FBLIM1: variants seen among roughly 807,000 people sequenced by gnomAD.
FBLIM1 encodes filamin-binding LIM protein 1.
In FBLIM1, 29 loss-of-function variants were observed where a neutral mutation model predicts 37.4. The ratio of observed to expected loss-of-function variants is 0.77; its 90% CI spans 0.58 to 1.06. FBLIM1 has a LOEUF of 1.06. Among genes scored for constraint, FBLIM1 ranks in the 50% least tolerant of loss-of-function variants. The pLI is 0.00. For missense variants in FBLIM1, 449 were observed against 505.6 expected (o/e 0.89, Z 1.07); for synonymous variants, 193 against 199.0 (o/e 0.97, Z 0.25).
rs989844365 is a variant in FBLIM1, at chr1:15,784,499, G to A, written c.1009-49G>A. 3 of 1,476,780 alleles carry A rather than the reference G, an allele frequency of 2.0e-6. No homozygotes were observed. In the African/African-American group the frequency reaches 4.2e-5, roughly 20 times the overall value. The allele number at this position is 1,476,780 out of a possible 1,614,324, so 91.5% of individuals were successfully genotyped here. A position where few individuals can be genotyped will look rare whatever the true frequency, so the allele number is the denominator to read the frequency against. The stretch of plus-strand genomic sequence containing the variant: ...GCCAAGTGAGTCCCTCCCCTGTGCA[G>A]GCAGCGCCCAGGCCCAGGGCGGGTC... On this transcript the variant is annotated intron_variant, in intron 8 of 8. Transcript: ENST00000375766.
chr1:15,769,426 G>A (rs1289723415), intron 5 of FBLIM1, among the ~76,000 whole-genome samples: 1 of 151,742 alleles, frequency 6.6e-6, no homozygotes, highest in East Asian at 2.0e-4. Context: ...GCAGTGAGCT[G>A]AGATTGCGCC....
chr1:15,781,552 T>G (rs2069639651), intron 8 of FBLIM1, among the ~76,000 whole-genome samples: 1 of 148,890 alleles, frequency 6.7e-6, no homozygotes, highest in Non-Finnish European at 1.5e-5. Context: ...ATGAGGCTCT[T>G]GAACTGCAGC....
At chr1:15,779,800 C>T (rs758067278) in intron 8 of FBLIM1, among the ~76,000 whole-genome samples, 3 of 152,146 alleles carry the variant, frequency 2.0e-5, no homozygotes, top group Admixed American at 6.6e-5. Flanking sequence ...CAGGAGTCAT[C>T]ACATGTGGCT....
At chr1:15,771,186 C>A (rs1179437314) in intron 6 of FBLIM1, among the ~76,000 whole-genome samples, 1 of 151,682 alleles carries the variant, frequency 6.6e-6, no homozygotes, top group Non-Finnish European at 1.5e-5. Context: ...GAGCCACCCA[C>A]CTCGACCTCC....
At chr1:15,784,059 C>T (rs150628940) in intron 8 of FBLIM1, among the ~76,000 whole-genome samples, 2,322 of 152,244 alleles carry the variant, frequency 0.015, 47 homozygotes, top group African/African-American at 0.045. Flanking sequence ...TGGTGGCACA[C>T]GCCTGTAATC....
chr1:15,761,635 C>A (rs1355071135), intron 1 of FBLIM1, among the ~76,000 whole-genome samples: 1 of 152,230 alleles, frequency 6.6e-6, no homozygotes, highest in African/African-American at 2.4e-5. Flanking sequence ...TTCCAGACAT[C>A]ATTTCCAAAC....
At chr1:15,770,869 T>C (rs2069168773) in intron 6 of FBLIM1, among the ~76,000 whole-genome samples, 1 of 152,198 alleles carries the variant, frequency 6.6e-6, no homozygotes, top group African/African-American at 2.4e-5. Context: ...ACCAAGGTGG[T>C]GTGCTGTCTG....
intron 6 of FBLIM1, among the ~76,000 whole-genome samples, chr1:15,774,222 G>T (rs1443284354): frequency 6.6e-6 from 1 of 152,006 alleles, no homozygotes; most frequent in Non-Finnish European, 1.5e-5. Context: ...CTTCCAAGTG[G>T]CCAAATGGAA....
chr1:15,763,094 G>A (rs2068752616), intron 1 of FBLIM1, among the ~76,000 whole-genome samples: 1 of 150,792 alleles, frequency 6.6e-6, no homozygotes, highest in African/African-American at 2.4e-5. Context: ...TTTAGACAGA[G>A]TTTCGCTCTT....
At chr1:15,767,197 A>AT (rs2068965865) in intron 3 of FBLIM1, among the ~76,000 whole-genome samples, 179 bp from the exon 4 acceptor site, 1 of 151,922 alleles carries the variant, frequency 6.6e-6, no homozygotes, top group South Asian at 2.1e-4. Flanking sequence ...CTGGCCTGAG[A>AT]TTAAGTTTCT....
intron 6 of FBLIM1, among the ~76,000 whole-genome samples, chr1:15,774,207 C>T (rs1371752912): frequency 1.3e-5 from 2 of 152,192 alleles, no homozygotes; most frequent in African/African-American, 4.8e-5. Context: ...GAATTTGGCT[C>T]TGAGCTTCCA....
In FBLIM1 at chr1:15,765,352, G is replaced by A. The variant is rs1356129023; in HGVS notation, c.250+119G>A. 10 of 1,391,474 alleles carry A rather than the reference G, an allele frequency of 7.2e-6. No individual in the cohort carries two copies. The South Asian group carries it at 1.0e-4, about 14-fold the overall frequency. The allele number at this position is 1,391,474 out of a possible 1,614,324, so 86.2% of individuals were successfully genotyped here. A position where few individuals can be genotyped will look rare whatever the true frequency, so the allele number is the denominator to read the frequency against. On this transcript the variant is annotated intron_variant, in intron 3 of 8. Transcript: ENST00000375766. This position sits in a 1 kb window ranked among gnomAD's most constrained non-coding sequence, Gnocchi z 5.9. ...ATCCTGACAAAATTCACACATCAAC[G>A]GGAAACAAAAAGATGTGCCCCTTCT... is the stretch of plus-strand genomic sequence containing the variant.
At chr1:15,770,778 C>T (rs528576885) in intron 6 of FBLIM1, among the ~76,000 whole-genome samples, 200 bp downstream of exon 6, 1 of 152,342 alleles carries the variant, frequency 6.6e-6, no homozygotes, top group East Asian at 1.9e-4. Flanking sequence ...TCACCACAAC[C>T]TTCGTGGCTT....
intron 8 of FBLIM1, among the ~76,000 whole-genome samples, chr1:15,778,856 G>A (rs944265161): frequency 1.3e-5 from 2 of 151,988 alleles, no homozygotes; most frequent in African/African-American, 4.8e-5. Flanking sequence ...TGGTCAGGCT[G>A]GTCTCAAACT....
Position 15,770,580 on chromosome 1 carries a change from T to C in FBLIM1, c.711+2T>C, listed in dbSNP as rs2069154134. 2 of 1,613,428 alleles carry C rather than the reference T, an allele frequency of 1.2e-6. No individual in the cohort carries two copies. Among genetic ancestry groups the C allele is most frequent in the East Asian group, 4.5e-5 (2 of 44,866 alleles). Reference sequence around the variant, plus strand: ...CCCCTCTGCGAACCCTGCTACCAGGTAACCCCTGCAGCAGACCTCTGGGTG... The same window carrying C: ...CCCCTCTGCGAACCCTGCTACCAGGCAACCCCTGCAGCAGACCTCTGGGTG... On this transcript the variant is annotated splice_donor_variant, in intron 6 of 8. Coordinates refer to ENST00000375766, the MANE Select transcript of FBLIM1 (RefSeq NM_017556.4). LOFTEE classifies it high-confidence loss of function.
At chr1:15,770,356 G>A in intron 5 of FBLIM1, 53 bp from the exon 6 acceptor site, 1 of 1,575,654 alleles carries the variant, frequency 6.3e-7, no homozygotes, top group Non-Finnish European at 8.6e-7. Context: ...GTGGTGCCTG[G>A]GTACAGTCCT....
intron 6 of FBLIM1, among the ~76,000 whole-genome samples, chr1:15,772,467 G>T (rs78448326): frequency 6.6e-6 from 1 of 152,158 alleles, no homozygotes; most frequent in Non-Finnish European, 1.5e-5. Flanking sequence ...TGAGAGGGAG[G>T]GGGGAGTGGG....
chr1:15,776,412 A>G (rs1044857720), intron 7 of FBLIM1, among the ~76,000 whole-genome samples: 18 of 152,214 alleles, frequency 1.2e-4, no homozygotes, highest in East Asian at 1.2e-3. Context: ...CACATCCCCA[A>G]GGACCTGACT....
At position 15,765,714 on chromosome 1, in the gene FBLIM1, C is replaced by T. The variant is rs1016809736; in HGVS notation, c.250+481C>T. Reference sequence around the variant, plus strand: ...GCTGCCAGCTGCTTGAAGCCGTCTACACCGAAGGCTGCCATCTGCCATCTG... The same window carrying T: ...GCTGCCAGCTGCTTGAAGCCGTCTATACCGAAGGCTGCCATCTGCCATCTG... On this transcript the variant is annotated intron_variant, in intron 3 of 8. Transcript: ENST00000375766. This position sits in a 1 kb window ranked among gnomAD's most constrained non-coding sequence, Gnocchi z 5.9. Among the ~76,000 whole-genome samples, 1 of 152,190 alleles carries T rather than the reference C, an allele frequency of 6.6e-6. No individual in the cohort carries two copies. Among genetic ancestry groups the T allele is most frequent in the Non-Finnish European group, 1.5e-5 (1 of 68,042 alleles).
Sources: gnomAD v4.1 joint callset for allele counts (sites outside exome capture counted in the v4.1 genomes callset) on GRCh38, gnomAD v4.1.1 for gene constraint, Gnocchi (gnomAD v3.1) non-coding constraint, MANE v1.5 for transcripts, NCBI Gene and HGNC (gene_info 2026-07-23, HGNC 2026-07-21) for gene names.